Variants in RIN2 observed in about 807,000 individuals in gnomAD.
The protein encoded by RIN2 is RAB5 interacting protein 2.
In RIN2, 36 loss-of-function variants were observed where a neutral mutation model predicts 78.0. The ratio of observed to expected loss-of-function variants is 0.46; its 90% CI spans 0.35 to 0.61. RIN2 has a LOEUF of 0.61. Among genes scored for constraint, RIN2 ranks in the 20% least tolerant of loss-of-function variants. RIN2 has a pLI of 0.00. For missense variants in RIN2, 1,087 were observed against 1,159.7 expected (o/e 0.94, Z 0.91); for synonymous variants, 466 against 466.8 (o/e 1.00, Z 0.02).
At chr20:19,768,123 A>G (rs1568734092) in intron 1 of RIN2, among the ~76,000 whole-genome samples, 1 of 152,114 alleles carries the variant, frequency 6.6e-6, no homozygotes, top group Non-Finnish European at 1.5e-5. Context: ...TGTGAGGGAA[A>G]CAAACCAGGT....
intron 7 of RIN2, among the ~76,000 whole-genome samples, chr20:19,967,584 C>T (rs1000932445): frequency 3.3e-5 from 5 of 152,082 alleles, no homozygotes; most frequent in Non-Finnish European, 5.9e-5. Context: ...TGGGAAGGCT[C>T]GCTGAAAAGT....
intron 8 of RIN2, among the ~76,000 whole-genome samples, chr20:19,973,654 T>A (rs920199551): frequency 2.0e-5 from 3 of 152,064 alleles, no homozygotes; most frequent in African/African-American, 7.2e-5. Context: ...CCAGGCGTGG[T>A]GGTGTGCGCC....
At chr20:19,793,809 T>A (rs1164645256) in intron 1 of RIN2, among the ~76,000 whole-genome samples, 2 of 152,226 alleles carry the variant, frequency 1.3e-5, no homozygotes, top group African/African-American at 4.8e-5. Flanking sequence ...GGGGAAAGAC[T>A]GGAGAAGCCT....
intron 4 of RIN2, chr20:19,935,468 T>C (rs2040600581): frequency 8.2e-7 from 1 of 1,220,964 alleles, no homozygotes; most frequent in Non-Finnish European, 1.0e-6. Context: ...GTCTGTGCCA[T>C]ATCCACCTAC....
chr20:19,955,512 T>A (rs2041497279), intron 4 of RIN2, among the ~76,000 whole-genome samples: 1 of 152,080 alleles, frequency 6.6e-6, no homozygotes, highest in East Asian at 1.9e-4. Context: ...AATTTTTGCA[T>A]TTTTAGTAGA....
intron 5 of RIN2, among the ~76,000 whole-genome samples, chr20:19,960,385 AG>A (rs2041700289): frequency 1.3e-5 from 2 of 152,230 alleles, no homozygotes; most frequent in Admixed American, 6.5e-5. Context: ...CATATAAGAC[AG>A]GGGCTGGAGA....
chr20:19,843,167 C>T (rs1423429714), intron 2 of RIN2, among the ~76,000 whole-genome samples: 1 of 152,068 alleles, frequency 6.6e-6, no homozygotes, highest in African/African-American at 2.4e-5. Flanking sequence ...TGGAATTGCT[C>T]CTGGTGAAGA....
chr20:19,771,449 A>C (rs759891025), intron 1 of RIN2, among the ~76,000 whole-genome samples: 2 of 152,156 alleles, frequency 1.3e-5, no homozygotes, highest in Non-Finnish European at 2.9e-5. Context: ...GGTCTCTCTC[A>C]GGGCACTCCC....
chr20:19,939,082 G>C lies in RIN2; in HGVS notation c.158+3883G>C, dbSNP rs558001825. On this transcript the variant is annotated intron_variant, in intron 4 of 12. Coordinates refer to ENST00000255006, the MANE Select transcript of RIN2 (RefSeq NM_018993.4). The stretch of plus-strand genomic sequence containing the variant: ...CTTTGAGACAGAATCTCGCTCTGTT[G>C]CCTAGAGCTGGAGTGCAGTGGTGAC... 2.0e-5 allele frequency among the ~76,000 whole-genome samples: 3 copies of C among 152,260 alleles called. No homozygotes were observed. In the East Asian group the frequency reaches 5.8e-4, roughly 29 times the overall value.
chr20:19,897,614 C>G (rs1340140276), intron 3 of RIN2, among the ~76,000 whole-genome samples: 33 of 152,118 alleles, frequency 2.2e-4, no homozygotes, highest in Non-Finnish European at 1.0e-4. Context: ...TGCTCTGGTT[C>G]TTCTGTGACT....
intron 1 of RIN2, among the ~76,000 whole-genome samples, chr20:19,797,971 C>A (rs2035113894): frequency 1.3e-5 from 2 of 151,474 alleles, no homozygotes; most frequent in Admixed American, 6.6e-5. Flanking sequence ...CCTGCCTCAG[C>A]CTCCTGAGTA....
At chr20:19,970,401 T>C (rs1202431367) in intron 7 of RIN2, among the ~76,000 whole-genome samples, 1 of 152,232 alleles carries the variant, frequency 6.6e-6, no homozygotes, top group Non-Finnish European at 1.5e-5. Flanking sequence ...GAGCCTGCAG[T>C]GTGCAAGGCA....
chr20:19,886,502 G>A (rs554704768), intron 2 of RIN2: 16 of 554,524 alleles, frequency 2.9e-5, no homozygotes, highest in Admixed American at 1.6e-4. Flanking sequence ...CGACCAACGC[G>A]ACCAGCTCCG....
At chr20:19,896,615 A>C (rs988333458) in intron 3 of RIN2, among the ~76,000 whole-genome samples, 7 of 152,250 alleles carry the variant, frequency 4.6e-5, no homozygotes, top group African/African-American at 1.7e-4. Flanking sequence ...CTTGCAGTGG[A>C]AACAGCAGAG....
At chr20:19,789,106 C>A (rs1406140372) in intron 1 of RIN2, among the ~76,000 whole-genome samples, 1 of 152,150 alleles carries the variant, frequency 6.6e-6, no homozygotes, top group Non-Finnish European at 1.5e-5. Flanking sequence ...AGAGACAGAG[C>A]TACAAGATAA....
chr20:19,880,472 T>C (rs775763493), intron 2 of RIN2, among the ~76,000 whole-genome samples: 1 of 140,972 alleles, frequency 7.1e-6, no homozygotes, highest in Non-Finnish European at 1.5e-5. Context: ...GCATGATTAA[T>C]GCAGCCTTGA....
chr20:19,843,067 A>T (rs2036631808), intron 2 of RIN2, among the ~76,000 whole-genome samples: 1 of 152,296 alleles, frequency 6.6e-6, no homozygotes, highest in East Asian at 1.9e-4. Flanking sequence ...GAACCTGAAG[A>T]TGTCGTTGAA....
At chr20:19,811,457 CAG>C (rs1162554453) in intron 2 of RIN2, among the ~76,000 whole-genome samples, 1 of 152,060 alleles carries the variant, frequency 6.6e-6, no homozygotes, top group African/African-American at 2.4e-5. Context: ...CTCCTGTCAC[CAG>C]AGAGACTTCA....
intron 2 of RIN2, among the ~76,000 whole-genome samples, chr20:19,851,879 A>G (rs2036992430): frequency 6.6e-6 from 1 of 152,152 alleles, no homozygotes; most frequent in African/African-American, 2.4e-5. Flanking sequence ...TACAACAACA[A>G]GCACTTCTTT....
Sources: allele counts gnomAD v4.1 joint callset (sites outside exome capture counted in the v4.1 genomes callset), GRCh38; gene constraint gnomAD v4.1.1; transcripts MANE v1.5; gene names NCBI Gene and HGNC (gene_info 2026-07-23, HGNC 2026-07-21).